The following MDGA2 variants were observed in gnomAD, a reference collection of about 807,000 sequenced individuals.
MDGA2 encodes MAM domain containing glycosylphosphatidylinositol anchor 2.
A neutral mutation model predicts 117.8 loss-of-function variants in MDGA2; 40 were observed. That is an observed-to-expected ratio of 0.34 (90% CI 0.26 to 0.44). MDGA2 has a LOEUF of 0.44. Among genes scored for constraint, MDGA2 ranks in the 20% least tolerant of loss-of-function variants. MDGA2 has a pLI of 1.00. For missense variants in MDGA2, 1,123 were observed against 1,250.6 expected (o/e 0.90, Z 1.54); for synonymous variants, 452 against 439.0 (o/e 1.03, Z -0.37).
intron 3 of MDGA2, among the ~76,000 whole-genome samples, chr14:47,192,273 A>T (rs1437949316): frequency 1.3e-5 from 2 of 151,832 alleles, no homozygotes; most frequent in Non-Finnish European, 2.9e-5. Context: ...GGACTAAGAG[A>T]AATTTGGGAC....
chr14:47,283,211 A>G (rs1451626536), intron 2 of MDGA2, among the ~76,000 whole-genome samples: 1 of 152,140 alleles, frequency 6.6e-6, no homozygotes, highest in East Asian at 1.9e-4. Flanking sequence ...AAACATATTG[A>G]GGGAAAGGGC....
chr14:47,157,609 G>A (rs55648829), intron 3 of MDGA2, among the ~76,000 whole-genome samples: 3 of 95,590 alleles, frequency 3.1e-5, no homozygotes, highest in Non-Finnish European at 7.2e-5. Context: ...GTGTGTGTGT[G>A]TGTGTGTGTG....
intron 6 of MDGA2, among the ~76,000 whole-genome samples, chr14:47,065,435 G>C (rs975479295): frequency 6.6e-6 from 1 of 152,126 alleles, no homozygotes; most frequent in African/African-American, 2.4e-5. Flanking sequence ...GCCTGTGAAT[G>C]TGAATGTCAA....
chr14:47,286,627 T>C (rs1368359287), intron 2 of MDGA2, among the ~76,000 whole-genome samples: 4 of 151,848 alleles, frequency 2.6e-5, no homozygotes, highest in African/African-American at 9.7e-5. Flanking sequence ...CATTATCCAT[T>C]CATCCACCGG....
chr14:47,216,640 A>G (rs1886099315), intron 3 of MDGA2, among the ~76,000 whole-genome samples: 1 of 152,132 alleles, frequency 6.6e-6, no homozygotes, highest in South Asian at 2.1e-4. Context: ...GAAGAGGTGT[A>G]TTTTAAAATT....
At chr14:46,944,155 A>T (rs896989632) in intron 9 of MDGA2, among the ~76,000 whole-genome samples, 1 of 151,948 alleles carries the variant, frequency 6.6e-6, no homozygotes, top group African/African-American at 2.4e-5. Flanking sequence ...TTTGTACTGC[A>T]GTTTCACAGA....
At chr14:46,898,516 T>C (rs1208648134) in intron 10 of MDGA2, among the ~76,000 whole-genome samples, 1 of 152,040 alleles carries the variant, frequency 6.6e-6, no homozygotes, top group Non-Finnish European at 1.5e-5. Flanking sequence ...AAGCATTAAG[T>C]TTGGGAGGCC....
At chr14:46,959,293 G>C (rs1885695304) in intron 8 of MDGA2, among the ~76,000 whole-genome samples, 4 of 132,912 alleles carry the variant, frequency 3.0e-5, no homozygotes, top group Admixed American at 1.6e-4. Context: ...GTGTGTGTGT[G>C]TGTGTGTGTG....
At chr14:46,913,785 ATACTCTTTG>A (rs1462517688) in intron 10 of MDGA2, among the ~76,000 whole-genome samples, 1 of 152,150 alleles carries the variant, frequency 6.6e-6, no homozygotes, top group Non-Finnish European at 1.5e-5. Flanking sequence ...GATTTCTATG[ATACTCTTTG>A]TTTATTTCTA....
chr14:47,180,352 A>G (rs1010108006), intron 3 of MDGA2, among the ~76,000 whole-genome samples: 1 of 152,184 alleles, frequency 6.6e-6, no homozygotes, highest in African/African-American at 2.4e-5. Flanking sequence ...GACAAATGGG[A>G]TTTCATTAAA....
intron 8 of MDGA2, among the ~76,000 whole-genome samples, chr14:47,009,847 C>T (rs998317282): frequency 3.9e-5 from 6 of 152,104 alleles, no homozygotes; most frequent in South Asian, 2.1e-4. Flanking sequence ...CCGAGCTGTG[C>T]CTTTTCTATC....
intron 10 of MDGA2, among the ~76,000 whole-genome samples, chr14:46,906,972 C>CTTTTTTTTTTT (rs372756942): frequency 1.0e-5 from 1 of 99,564 alleles, no homozygotes; most frequent in Non-Finnish European, 1.9e-5. Context: ...TTACCTTTTT[C>CTTTTTTTTTTT]TTTTTTTTTT....
intron 1 of MDGA2, among the ~76,000 whole-genome samples, chr14:47,339,921 G>A (rs1195807093): frequency 3.3e-5 from 5 of 152,072 alleles, no homozygotes; most frequent in African/African-American, 1.2e-4. Context: ...CCACACAGGT[G>A]TTTTCCCTAG....
At chr14:47,442,109 G>A (rs1177208080) in intron 1 of MDGA2, among the ~76,000 whole-genome samples, 1 of 152,172 alleles carries the variant, frequency 6.6e-6, no homozygotes, top group African/African-American at 2.4e-5. Flanking sequence ...TTTATCATAG[G>A]TTGGGATCAA....
At chr14:47,012,860 A>G (rs973665218) in intron 8 of MDGA2, among the ~76,000 whole-genome samples, 1 of 152,140 alleles carries the variant, frequency 6.6e-6, no homozygotes, top group Non-Finnish European at 1.5e-5. Context: ...GTGCATATAA[A>G]AATTACATTT....
intron 5 of MDGA2, among the ~76,000 whole-genome samples, chr14:47,098,757 C>T (rs1214504674): frequency 6.6e-6 from 1 of 151,854 alleles, no homozygotes; most frequent in African/African-American, 2.4e-5. Flanking sequence ...ATTTCTTTTA[C>T]ATCACATTTT....
At chr14:47,647,844 AATT>A (rs1375520494) in intron 1 of MDGA2, among the ~76,000 whole-genome samples, 2 of 152,126 alleles carry the variant, frequency 1.3e-5, no homozygotes, top group Non-Finnish European at 2.9e-5. Context: ...AATTCTATAA[AATT>A]ATTGTTATAA....
chr14:46,847,393 A>G (rs868545084), intron 15 of MDGA2, among the ~76,000 whole-genome samples: 3 of 152,084 alleles, frequency 2.0e-5, no homozygotes, highest in African/African-American at 7.2e-5. Flanking sequence ...TGAAGCCAAA[A>G]CAAAATGGCA....
At chr14:47,037,192 G>T (rs1888886260) in intron 7 of MDGA2, among the ~76,000 whole-genome samples, 1 of 152,202 alleles carries the variant, frequency 6.6e-6, no homozygotes, top group Admixed American at 6.5e-5. Flanking sequence ...GGGAAAGGGT[G>T]CAGAATAACC....
Sources: allele counts gnomAD v4.1 joint callset (sites outside exome capture counted in the v4.1 genomes callset), GRCh38; gene constraint gnomAD v4.1.1; transcripts MANE v1.5; gene names NCBI Gene and HGNC (gene_info 2026-07-23, HGNC 2026-07-21).